The following FAM53B variants were observed in gnomAD, a reference collection of about 807,000 sequenced individuals.
FAM53B encodes protein FAM53B.
FAM53B carries 12 observed loss-of-function variants against 32.7 expected under a neutral mutation model. That is an observed-to-expected ratio of 0.37 (90% CI 0.24 to 0.59). The LOEUF (loss-of-function observed/expected upper bound fraction) is 0.59. Among genes scored for constraint, FAM53B ranks in the 20% least tolerant of loss-of-function variants. FAM53B has a pLI of 0.72. For synonymous variants in FAM53B, 234 were observed against 228.7 expected (o/e 1.02, Z -0.21); for missense variants, 477 against 577.7 (o/e 0.83, Z 1.79).
Position 124,706,868 on chromosome 10 carries a change from G to A in FAM53B, c.-155C>T, listed in dbSNP as rs537734342. On this transcript the variant is annotated 5_prime_UTR_variant, in exon 2 of 5. Coordinates refer to ENST00000337318, the MANE Select transcript of FAM53B (RefSeq NM_014661.4). ...TTGGGGTGGGGCCCTTCTGGGAAAT[G>A]GCCAAATGTGGTCAACTCCCTGGAA... 4 of 1,466,038 alleles carry A rather than the reference G, an allele frequency of 2.7e-6. No homozygotes were observed. In the South Asian group the frequency reaches 4.1e-5, roughly 15 times the overall value. The allele number at this position is 1,466,038 out of a possible 1,614,324, so 90.8% of individuals were successfully genotyped here.
Position 124,744,204 on chromosome 10 carries a change from T to C in FAM53B, c.-366A>G, listed in dbSNP as rs1399882594. On this transcript the variant is annotated 5_prime_UTR_variant, in exon 1 of 5. Coordinates refer to ENST00000337318, the MANE Select transcript of FAM53B (RefSeq NM_014661.4). ...CTGAAGTGTTTGCAACTCGTCCCTTTAACCGGCACCGGCCAGGCCGCCCGC... is the reference window on the plus strand; with the variant it reads ...CTGAAGTGTTTGCAACTCGTCCCTTCAACCGGCACCGGCCAGGCCGCCCGC... The C allele has an allele frequency of 6.8e-6, 1 of 146,700 alleles. No individual in the cohort carries two copies. The highest frequency in any genetic ancestry group is 1.5e-5 in the Non-Finnish European group (1 of 65,922). The allele number at this position is 146,700 out of a possible 1,614,324, so 9.1% of individuals were successfully genotyped here.
At chr10:124,689,294 T>A (rs985697172) in intron 3 of FAM53B, among the ~76,000 whole-genome samples, 2 of 152,288 alleles carry the variant, frequency 1.3e-5, no homozygotes, top group African/African-American at 2.4e-5. Flanking sequence ...AGCAGGGCAA[T>A]GACATGAGCT....
chr10:124,646,638 C>G (rs1358092696), intron 4 of FAM53B, among the ~76,000 whole-genome samples: 1 of 152,196 alleles, frequency 6.6e-6, no homozygotes, highest in African/African-American at 2.4e-5. Flanking sequence ...AGATGGCCAC[C>G]CTGTGACGCT....
chr10:124,694,859 C>T (rs1470343507), intron 3 of FAM53B, among the ~76,000 whole-genome samples: 1 of 152,226 alleles, frequency 6.6e-6, no homozygotes, highest in African/African-American at 2.4e-5. Context: ...AAGAGCACCG[C>T]CAGGTGTCCC....
chr10:124,623,026 C>T lies in FAM53B; in HGVS notation c.*216G>A, dbSNP rs1949321673. 3 of 576,522 alleles carry T rather than the reference C, an allele frequency of 5.2e-6. No individual in the cohort carries two copies. Among genetic ancestry groups the T allele is most frequent in the South Asian group, 2.4e-5 (1 of 41,748 alleles). The allele number at this position is 576,522 out of a possible 1,614,324, so 35.7% of individuals were successfully genotyped here. On this transcript the variant is annotated 3_prime_UTR_variant, in exon 5 of 5. Transcript: ENST00000337318. ...CTGTGGACCTGGTGGCTGCCACGCT[C>T]GGGGAGCCGGTGAGAGGCTGACACA...
chr10:124,706,719 G>A lies in FAM53B; in HGVS notation c.-6C>T. On this transcript the variant is annotated 5_prime_UTR_variant, in exon 2 of 5. Transcript: ENST00000337318. Reference sequence around the variant, plus strand: ...TCACTTAGGACCATCACCATGATAAGGGCCTCAGGCGCTGGGCTCCATCCC... The same window carrying A: ...TCACTTAGGACCATCACCATGATAAAGGCCTCAGGCGCTGGGCTCCATCCC... 6.2e-7 allele frequency: 1 copy of A among 1,614,106 alleles called. No homozygotes were observed. The highest frequency in any genetic ancestry group is 1.7e-5 in the Admixed American group (1 of 60,034).
Position 124,682,365 on chromosome 10 carries a change from G to A in FAM53B, c.148C>T (p.Arg50Ter). The change falls in exon 4 of 5, where the codon CGA becomes TGA. Residue 50 changes from arginine to a stop codon, truncating the protein, a stop_gained. Transcript: ENST00000337318. LOFTEE classifies it high-confidence loss of function. This position sits in a 1 kb window ranked among gnomAD's most constrained non-coding sequence, Gnocchi z 5.2. ...SCGIMENDRW[R>*]DLDRKCPLQI... Reference sequence around the variant, plus strand: ...AGAGGGCATTTCCTGTCCAGGTCTCGCCATCTGTCATTTTCTGGTTCATAA... The same window carrying A: ...AGAGGGCATTTCCTGTCCAGGTCTCACCATCTGTCATTTTCTGGTTCATAA... 1 of 1,599,346 alleles carries A rather than the reference G, an allele frequency of 6.3e-7. No homozygotes were observed. The highest frequency in any genetic ancestry group is 8.5e-7 in the Non-Finnish European group (1 of 1,170,424).
intron 1 of FAM53B, among the ~76,000 whole-genome samples, chr10:124,732,173 C>A (rs948108528): frequency 4.6e-5 from 7 of 152,234 alleles, no homozygotes; most frequent in African/African-American, 1.7e-4. Context: ...GCCAGCCACA[C>A]AGGGAACAAG....
intron 4 of FAM53B, among the ~76,000 whole-genome samples, chr10:124,657,691 T>G (rs1216894409): frequency 6.6e-6 from 1 of 152,258 alleles, no homozygotes; most frequent in East Asian, 1.9e-4. Flanking sequence ...CAAGTGTTTG[T>G]GCCCTCTACT....
At chr10:124,624,634 C>T (rs1312305302) in intron 4 of FAM53B, among the ~76,000 whole-genome samples, 1 of 152,182 alleles carries the variant, frequency 6.6e-6, no homozygotes, top group Non-Finnish European at 1.5e-5. Context: ...AGGAGGCAGC[C>T]TGGGGCCTGC....
At chr10:124,702,546 C>G (rs917133977) in intron 2 of FAM53B, among the ~76,000 whole-genome samples, 2 of 152,172 alleles carry the variant, frequency 1.3e-5, no homozygotes, top group Non-Finnish European at 2.9e-5. Context: ...GGAACAGGGC[C>G]CATGCGAGAA....
rs567935815 is a variant in FAM53B at position 124,679,387 on chromosome 10, C to A, written c.906+2220G>T. Among the ~76,000 whole-genome samples, 106 of 152,328 alleles carry A rather than the reference C, an allele frequency of 7.0e-4. 3 individuals carry two copies. The South Asian group carries it at 0.022, about 31-fold the overall frequency. On this transcript the variant is annotated intron_variant, in intron 4 of 4. Transcript: ENST00000337318. ...CAACATGCCCAGCTCATCAGGTTCC[C>A]ACGCACAAGGCCGTGCACTCGCCAG...
At chr10:124,721,018 G>T (rs534719985) in intron 1 of FAM53B, among the ~76,000 whole-genome samples, 80 of 152,212 alleles carry the variant, frequency 5.3e-4, no homozygotes, top group African/African-American at 1.8e-3. Context: ...TGGGAAACAT[G>T]GCAAAATCCC....
At chr10:124,674,437 C>T (rs1589746563) in intron 4 of FAM53B, among the ~76,000 whole-genome samples, 1 of 152,324 alleles carries the variant, frequency 6.6e-6, no homozygotes, top group East Asian at 1.9e-4. Context: ...GAGAGGGTGT[C>T]GCCACCCTTC....
intron 4 of FAM53B, among the ~76,000 whole-genome samples, chr10:124,662,280 G>A (rs1002079397): frequency 1.9e-4 from 29 of 152,292 alleles, no homozygotes; most frequent in Admixed American, 1.4e-3. Flanking sequence ...CTACACAAAC[G>A]CTTAGCACAG....
intron 4 of FAM53B, among the ~76,000 whole-genome samples, chr10:124,666,073 C>T (rs1949670421): frequency 6.6e-6 from 1 of 152,228 alleles, no homozygotes; most frequent in Admixed American, 6.5e-5. Context: ...TTTGAACCAG[C>T]TTCCCAGGTT....
chr10:124,678,892 A>G (rs1949752377), intron 4 of FAM53B, among the ~76,000 whole-genome samples: 2 of 152,174 alleles, frequency 1.3e-5, no homozygotes, highest in Admixed American at 1.3e-4. Context: ...GCTCACACAC[A>G]CCCTCAAGAT....
intron 1 of FAM53B, among the ~76,000 whole-genome samples, chr10:124,731,550 G>A (rs1215601771): frequency 2.0e-5 from 3 of 151,454 alleles, no homozygotes; most frequent in African/African-American, 7.3e-5. Context: ...ATTTATAAAG[G>A]AAATTATTAA....
chr10:124,667,925 C>G (rs2134060859), intron 4 of FAM53B, among the ~76,000 whole-genome samples: 1 of 152,292 alleles, frequency 6.6e-6, no homozygotes, highest in South Asian at 2.1e-4. Context: ...GAGGAGGACA[C>G]TGAGGCCCAG....
Sources: allele counts gnomAD v4.1 joint callset (sites outside exome capture counted in the v4.1 genomes callset), GRCh38; gene constraint gnomAD v4.1.1; non-coding constraint Gnocchi (gnomAD v3.1); transcripts MANE v1.5; gene names NCBI Gene and HGNC (gene_info 2026-07-23, HGNC 2026-07-21).